The following CEP350 variants were observed in gnomAD, a reference collection of about 807,000 sequenced individuals.
CEP350 encodes the protein centrosomal protein 350.
Under a neutral mutation model 331.8 loss-of-function variants are expected in CEP350, and 126 were observed. That is an observed-to-expected ratio of 0.38 (90% CI 0.33 to 0.44). The LOEUF (loss-of-function observed/expected upper bound fraction) is 0.44. Among genes scored for constraint, CEP350 ranks in the 20% least tolerant of loss-of-function variants. The probability of loss-of-function intolerance (pLI) is 1.00; values close to 1 mark genes in which losing one functional copy is unlikely to be tolerated. For missense variants in CEP350, 3,406 were observed against 3,634.6 expected, an observed-to-expected ratio of 0.94 and a Z score of 1.62; for synonymous variants, 1,200 against 1,259.5, an observed-to-expected ratio of 0.95 and a Z score of 1.00.
At chr1:180,003,586 T>G (rs755494033) in intron 7 of CEP350, among the ~76,000 whole-genome samples, 1 of 152,204 alleles carries the variant, frequency 6.6e-6, no homozygotes, top group Non-Finnish European at 1.5e-5. Flanking sequence ...TGAAGTTTAC[T>G]TCTGCTTAGG....
chr1:180,108,138 TC>T (rs1426175398), intron 37 of CEP350, among the ~76,000 whole-genome samples: 2 of 152,118 alleles, frequency 1.3e-5, no homozygotes, highest in African/African-American at 2.4e-5. Flanking sequence ...GAGAAATAGT[TC>T]CTGTTCTTAA....
At position 179,979,390 on chromosome 1, in the gene CEP350, G is replaced by GTTT. The variant is rs34642448; in HGVS notation, c.-13-6766_-13-6764dup. Among the ~76,000 whole-genome samples, 35 of 129,586 alleles carry GTTT rather than the reference G, an allele frequency of 2.7e-4. 1 individual carries two copies. Among genetic ancestry groups the GTTT allele is most frequent in the Non-Finnish European group, 4.4e-4 (27 of 61,650 alleles). The allele number at this position is 129,586 out of a possible 152,430, so 85.0% of individuals were successfully genotyped here. A position where few individuals can be genotyped will look rare whatever the true frequency, so the allele number is the denominator to read the frequency against. ...CATTTTTAATTAGATTATTTGGGGT[G>GTTT]TTTTTTTTTTTTTTTGCTCTTAAGT... On this transcript the variant is annotated intron_variant, in intron 1 of 37. Transcript: ENST00000367607.
intron 11 of CEP350, among the ~76,000 whole-genome samples, chr1:180,017,752 G>A (rs889902994): frequency 3.9e-5 from 6 of 152,068 alleles, no homozygotes; most frequent in Admixed American, 3.9e-4. Context: ...TTAAAATTTG[G>A]CATTTCTTTT....
At chr1:179,968,419 G>T (rs1348141319) in intron 1 of CEP350, among the ~76,000 whole-genome samples, 1 of 152,130 alleles carries the variant, frequency 6.6e-6, no homozygotes, top group Non-Finnish European at 1.5e-5. Context: ...TAGTACAGAG[G>T]GGTAAAGAGA....
chr1:180,081,198 T>G (rs778387722), intron 30 of CEP350, among the ~76,000 whole-genome samples: 2 of 152,156 alleles, frequency 1.3e-5, no homozygotes, highest in Non-Finnish European at 2.9e-5. Context: ...TCAGTTTTAG[T>G]TTTGAGAGTA....
At chr1:180,003,352 T>C (rs1273308796) in intron 7 of CEP350, 65 bp downstream of exon 7, 1 of 1,037,272 alleles carries the variant, frequency 9.6e-7, no homozygotes, top group East Asian at 2.6e-5. Flanking sequence ...TTATAATATT[T>C]ACACATAAAA....
intron 27 of CEP350, among the ~76,000 whole-genome samples, chr1:180,070,279 A>C (rs1406761528): frequency 6.6e-6 from 1 of 152,228 alleles, no homozygotes; most frequent in Non-Finnish European, 1.5e-5. Flanking sequence ...AAGGATTTTT[A>C]GACCTAGGAG....
intron 27 of CEP350, among the ~76,000 whole-genome samples, chr1:180,074,146 A>G (rs929646961): frequency 6.6e-6 from 1 of 152,026 alleles, no homozygotes; most frequent in African/African-American, 2.4e-5. Context: ...ACATGTACGC[A>G]TTTTTCTTGG....
chr1:180,036,444 A>G (rs1656361134), intron 16 of CEP350, among the ~76,000 whole-genome samples: 1 of 152,168 alleles, frequency 6.6e-6, no homozygotes, highest in Non-Finnish European at 1.5e-5. Flanking sequence ...GATGCAGTAA[A>G]CTTCATTATT....
At chr1:180,002,044 A>G (rs192080535) in intron 6 of CEP350, among the ~76,000 whole-genome samples, 1 of 152,360 alleles carries the variant, frequency 6.6e-6, no homozygotes, top group African/African-American at 2.4e-5. Flanking sequence ...TTAGGGGAGT[A>G]TGAATCAAAA....
At chr1:179,972,985 A>T (rs1177860640) in intron 1 of CEP350, among the ~76,000 whole-genome samples, 1 of 151,166 alleles carries the variant, frequency 6.6e-6, no homozygotes, top group Non-Finnish European at 1.5e-5. Flanking sequence ...CTCCTGCCTC[A>T]GCCTCCCGAG....
At chr1:180,037,915 C>T (rs1470511585) in intron 17 of CEP350, among the ~76,000 whole-genome samples, 1 of 152,150 alleles carries the variant, frequency 6.6e-6, no homozygotes, top group Non-Finnish European at 1.5e-5. Context: ...TCCCAAAGTG[C>T]TGGGATTACA....
chr1:180,010,953 G>A (rs778419227), intron 8 of CEP350, among the ~76,000 whole-genome samples: 11 of 151,300 alleles, frequency 7.3e-5, no homozygotes, highest in Admixed American at 2.0e-4. Context: ...TTTATTCTAT[G>A]TTTATTTTTT....
Position 180,093,287 on chromosome 1 carries a change from A to G in CEP350, c.7182A>G (p.Lys2394=). Residue 2394 remains lysine (K), a synonymous_variant, in exon 34 of 38, where the codon AAA becomes AAG. Coordinates refer to ENST00000367607, the MANE Select transcript of CEP350 (RefSeq NM_014810.5). ...FKKEISAELY[K]DDFEVSSLLS... is the part of the protein sequence containing the mutation. ...AAGAAATTTCAGCTGAATTGTACAA[A>G]GATGATTTTGAGGTGTCATCTTTGC... is the stretch of plus-strand genomic sequence containing the variant. The G allele has an allele frequency of 6.3e-7, 1 of 1,598,394 alleles. No homozygotes were observed. Among genetic ancestry groups the G allele is most frequent in the African/African-American group, 1.3e-5 (1 of 74,926 alleles).
chr1:179,968,804 G>C, intron 1 of CEP350: 1 of 693,206 alleles, frequency 1.4e-6, no homozygotes, highest in Non-Finnish European at 2.7e-6. Context: ...AATCTGAAGA[G>C]GACCTGAAAG....
At chr1:179,963,150 A>C (rs1650755650) in intron 1 of CEP350, among the ~76,000 whole-genome samples, 1 of 151,476 alleles carries the variant, frequency 6.6e-6, no homozygotes, top group Admixed American at 6.6e-5. Flanking sequence ...CTCACTTTTT[A>C]ATGGAGTTAT....
intron 30 of CEP350, among the ~76,000 whole-genome samples, chr1:180,083,194 CAACAT>C (rs1659674282): frequency 3.3e-5 from 5 of 152,148 alleles, no homozygotes; most frequent in Admixed American, 3.3e-4. Flanking sequence ...ATGTCTCACT[CAACAT>C]TAGTATATGG....
At chr1:180,083,731 A>G (rs192245455) in intron 30 of CEP350, among the ~76,000 whole-genome samples, 2 of 152,346 alleles carry the variant, frequency 1.3e-5, no homozygotes, top group Admixed American at 1.3e-4. Flanking sequence ...TGTCTTACCA[A>G]GACAGCGTAT....
chr1:180,061,308 C>T (rs1347117455), intron 25 of CEP350, among the ~76,000 whole-genome samples: 1 of 152,020 alleles, frequency 6.6e-6, no homozygotes, highest in Non-Finnish European at 1.5e-5. Flanking sequence ...TTGATCCTCC[C>T]ACCTCAGCCT....
Sources: allele counts gnomAD v4.1 joint callset (sites outside exome capture counted in the v4.1 genomes callset), GRCh38; gene constraint gnomAD v4.1.1; transcripts MANE v1.5; gene names NCBI Gene and HGNC (gene_info 2026-07-23, HGNC 2026-07-21).